The following GPHN variants were observed in gnomAD, a reference collection of about 807,000 sequenced individuals.
The protein encoded by GPHN is gephyrin.
GPHN carries 17 observed loss-of-function variants against 95.5 expected under a neutral mutation model. The observed-to-expected ratio is 0.18, with a 90% CI of 0.12 to 0.27. GPHN has a LOEUF of 0.27. Among genes scored for constraint, GPHN ranks in the 10% least tolerant of loss-of-function variants. The pLI, the probability that GPHN is intolerant of heterozygous loss-of-function variation, is 1.00. For synonymous variants in GPHN, 320 were observed against 322.5 expected (o/e 0.99, Z 0.08); for missense variants, 660 against 978.1 (o/e 0.67, Z 4.34).
chr14:67,645,123 T>C, the GPHN span, among the ~76,000 whole-genome samples: 47 of 152,324 alleles, frequency 3.1e-4, no homozygotes, highest in Admixed American at 2.1e-3. Context: ...CAAGAGCTTT[T>C]CTTACAGATT....
At chr14:67,629,701 T>C in the GPHN span, among the ~76,000 whole-genome samples, 1 of 152,238 alleles carries the variant, frequency 6.6e-6, no homozygotes, top group Non-Finnish European at 1.5e-5. Context: ...TTAATAGAAA[T>C]GTTATTTATA....
chr14:67,358,503 G>A, the GPHN span, among the ~76,000 whole-genome samples: 9 of 152,188 alleles, frequency 5.9e-5, no homozygotes, highest in South Asian at 1.9e-3. Context: ...GGGTCTAAAT[G>A]TCAGGGTCAA....
chr14:67,072,865 G>GC (rs1376809484), intron 11 of GPHN, among the ~76,000 whole-genome samples: 1 of 150,690 alleles, frequency 6.6e-6, no homozygotes, highest in African/African-American at 2.4e-5. Context: ...TAATACTGTT[G>GC]CAACCCTGTG....
chr14:67,236,483 A>G, the GPHN span, among the ~76,000 whole-genome samples: 1,216 of 152,310 alleles, frequency 8.0e-3, 14 homozygotes, highest in Middle Eastern at 0.017. Flanking sequence ...CCTCTAGGAT[A>G]AGGACTGTCA....
At chr14:67,578,756 G>T in the GPHN span, 1 of 707,096 alleles carries the variant, frequency 1.4e-6, no homozygotes, top group Admixed American at 2.1e-5. This position sits in a 1 kb window ranked among gnomAD's most constrained non-coding sequence, Gnocchi z 5.0. Flanking sequence ...CAGTGGTCGT[G>T]GAGACTTCAC....
the GPHN span, chr14:67,619,687 G>A: frequency 3.1e-6 from 1 of 318,678 alleles, no homozygotes; most frequent in Admixed American, 5.2e-5. Context: ...CCCGGATATT[G>A]GCCTTCTGGC....
At position 67,104,895 on chromosome 14, in the gene GPHN, G is replaced by T. The variant is rs558079472; in HGVS notation, c.1293+3984G>T. Among the ~76,000 whole-genome samples the T allele has an allele frequency of 2.2e-4, 34 of 151,792 alleles. 1 individual carries two copies. Among genetic ancestry groups the T allele is most frequent in the Non-Finnish European group, 4.3e-4 (29 of 67,868 alleles). The stretch of plus-strand genomic sequence containing the variant: ...CTTCTTCTGATTTTGGATCTGGTTT[G>T]TTCTTGCTTTTCTAATCCCTTGAGA... On this transcript the variant is annotated intron_variant, in intron 13 of 22. Transcript: ENST00000478722.
the GPHN span, chr14:67,347,538 G>A: frequency 3.4e-6 from 4 of 1,193,156 alleles, no homozygotes; most frequent in Non-Finnish European, 3.5e-6. Flanking sequence ...TTTTGCTCTT[G>A]TCGCCGAGGC....
intron 9 of GPHN, chr14:66,969,329 T>C (rs750877361): frequency 1.1e-4 from 17 of 152,226 alleles, no homozygotes; most frequent in Non-Finnish European, 2.4e-4. Flanking sequence ...ATAAATTATA[T>C]TTAAAGAAGT....
the GPHN span, among the ~76,000 whole-genome samples, chr14:67,491,665 T>G: frequency 1.3e-5 from 2 of 152,196 alleles, no homozygotes; most frequent in African/African-American, 4.8e-5. Flanking sequence ...AAAGGCCCAC[T>G]GGGGAGCCCT....
chr14:67,213,078 G>T, the GPHN span, among the ~76,000 whole-genome samples: 1 of 148,640 alleles, frequency 6.7e-6, no homozygotes, highest in Non-Finnish European at 1.5e-5. Context: ...TGGGGATGGG[G>T]CATAGAATTC....
chr14:67,063,271 G>A (rs2075897833), intron 11 of GPHN, among the ~76,000 whole-genome samples: 1 of 152,168 alleles, frequency 6.6e-6, no homozygotes, highest in African/African-American at 2.4e-5. Context: ...TGAGGCCTCT[G>A]TTCTGTTCCA....
chr14:67,157,960 T>TG (rs1439252065), intron 18 of GPHN, among the ~76,000 whole-genome samples: 1 of 151,608 alleles, frequency 6.6e-6, no homozygotes, highest in Non-Finnish European at 1.5e-5. Flanking sequence ...CTGGGTGAGA[T>TG]GGATGAGAAC....
At chr14:66,521,650 A>G (rs1483690623) in intron 1 of GPHN, among the ~76,000 whole-genome samples, 1 of 152,118 alleles carries the variant, frequency 6.6e-6, no homozygotes, top group East Asian at 1.9e-4. Flanking sequence ...TGGAAGGGCA[A>G]GAGGGCTCCC....
chr14:66,575,047 ATATC>A (rs1174816004), intron 1 of GPHN, among the ~76,000 whole-genome samples: 1 of 152,194 alleles, frequency 6.6e-6, no homozygotes, highest in Non-Finnish European at 1.5e-5. Flanking sequence ...GTCTATATTT[ATATC>A]TATCTATATA....
At chr14:67,215,679 C>G in the GPHN span, among the ~76,000 whole-genome samples, 1 of 152,078 alleles carries the variant, frequency 6.6e-6, no homozygotes, top group Non-Finnish European at 1.5e-5. Flanking sequence ...GTGAGTATGA[C>G]TTTATTAGAA....
At chr14:66,633,064 G>A (rs1372832859) in intron 1 of GPHN, among the ~76,000 whole-genome samples, 1 of 152,082 alleles carries the variant, frequency 6.6e-6, no homozygotes, top group Non-Finnish European at 1.5e-5. Context: ...CAATTTAATT[G>A]TGTACTGCCT....
chr14:67,270,622 A>G, the GPHN span: 2 of 150,454 alleles, frequency 1.3e-5, no homozygotes, highest in African/African-American at 4.9e-5. Flanking sequence ...GGAGAGTGCA[A>G]TTGCTTTGGA....
At chr14:67,637,301 T>C in the GPHN span, among the ~76,000 whole-genome samples, 2 of 149,664 alleles carry the variant, frequency 1.3e-5, no homozygotes, top group East Asian at 2.0e-4. Context: ...TCCCAGCTAC[T>C]TGGGGAGGCT....
Sources: gnomAD v4.1 joint callset for allele counts (sites outside exome capture counted in the v4.1 genomes callset) on GRCh38, gnomAD v4.1.1 for gene constraint, Gnocchi (gnomAD v3.1) non-coding constraint, MANE v1.5 for transcripts, NCBI Gene and HGNC (gene_info 2026-07-23, HGNC 2026-07-21) for gene names.